TRIM3: variants seen among roughly 807,000 people sequenced by gnomAD.
TRIM3 encodes the protein tripartite motif containing 3, also known as tripartite motif-containing protein 3.
In TRIM3, 13 loss-of-function variants were observed where a neutral mutation model predicts 66.6. The ratio of observed to expected loss-of-function variants is 0.20; its 90% CI spans 0.13 to 0.31. TRIM3 has a LOEUF of 0.31. Among genes scored for constraint, TRIM3 ranks in the 10% least tolerant of loss-of-function variants. TRIM3 has a pLI of 1.00. For missense variants in TRIM3, 711 were observed against 1,020.4 expected (o/e 0.70, Z 4.13); for synonymous variants, 406 against 411.7 (o/e 0.99, Z 0.17).
rs1292742232 is a variant in TRIM3 at position 6,465,646 on chromosome 11, T to C, written c.50A>G (p.Lys17Arg). ...GCAGATGCTGCATACCAGGAACTGC[T>C]TGTCCATTGGCTGGACCTCTGGGCC... is the stretch of plus-strand genomic sequence containing the variant. Reference protein sequence around the residue: ...SPGPEVQPMDKQFLVCSICLD... With the variant: ...SPGPEVQPMDRQFLVCSICLD... The change falls in exon 2 of 12, where the codon AAG (lysine) becomes AGG (arginine). Residue 17 changes from lysine to arginine, a missense_variant. Around this residue, in one of 3 missense-constraint regions of TRIM3, gnomAD observed 149 missense variants for 240.3 expected, o/e 0.62. Coordinates refer to ENST00000345851, the MANE Select transcript of TRIM3 (RefSeq NM_033278.4). The C allele has an allele frequency of 6.2e-7, 1 of 1,614,200 alleles. No individual in the cohort carries two copies. The highest frequency in any genetic ancestry group is 8.5e-7 in the Non-Finnish European group (1 of 1,180,016).
In TRIM3 at chr11:6,456,903, G is replaced by C. The variant is rs762184285; in HGVS notation, c.823C>G (p.Arg275Gly). Residue 275 changes from arginine to glycine, a missense_variant, in exon 6 of 12, where the codon CGA (arginine) becomes GGA (glycine). Arg to Gly is a moderately radical substitution (Grantham distance 125). Around this residue, in one of 3 missense-constraint regions of TRIM3, gnomAD observed 399 missense variants for 458.1 expected, o/e 0.87. Coordinates refer to ENST00000345851, the MANE Select transcript of TRIM3 (RefSeq NM_033278.4). The surrounding 1 kb of genome is among the most constrained non-coding windows in gnomAD (Gnocchi z 6.4). The part of the protein sequence containing the change: ...PEVLLVRKHM[R>G]ERLAALAAQA... ...GCCGCCAATGCAGCCAGCCGCTCTC[G>C]CATGTGCTTGCGCACCAGCAACACC... The C allele has an allele frequency of 6.2e-7, 1 of 1,611,974 alleles. No homozygotes were observed. The highest frequency in any genetic ancestry group is 1.3e-5 in the African/African-American group (1 of 74,956).
At chr11:6,463,365 C>T (rs995240213) in intron 2 of TRIM3, among the ~76,000 whole-genome samples, 11 of 152,228 alleles carry the variant, frequency 7.2e-5, no homozygotes, top group African/African-American at 2.7e-4. Context: ...CCCTGGCAAA[C>T]AGTAAGCAAT....
rs779797530 is a variant in TRIM3, at chr11:6,449,186, G to A, written c.2083-6C>T. On this transcript the variant is annotated splice_polypyrimidine_tract_variant and splice_region_variant and intron_variant, in intron 11 of 11. Transcript: ENST00000345851. This position sits in a 1 kb window ranked among gnomAD's most constrained non-coding sequence, Gnocchi z 5.3. ...GAGCCAGAGCTGTCGAATACCTGGG[G>A]AAGGAGTGCAGAAAGGAGGGAGAGG... is the stretch of plus-strand genomic sequence containing the variant. The A allele has an allele frequency of 7.4e-6, 12 of 1,613,748 alleles. No individual in the cohort carries two copies. Among genetic ancestry groups the A allele is most frequent in the African/African-American group, 1.3e-5 (1 of 74,932 alleles).
At chr11:6,451,185 C>T in intron 8 of TRIM3, 86 bp downstream of exon 8, 2 of 1,584,308 alleles carry the variant, frequency 1.3e-6, no homozygotes, top group South Asian at 1.1e-5. Context: ...AGGATTGGAT[C>T]AGTCCAGACC....
At position 6,458,284 on chromosome 11, in the gene TRIM3, G is replaced by A. The variant is rs1185416663; in HGVS notation, c.144C>T (p.Asn48=). 2 of 1,613,082 alleles carry A rather than the reference G, an allele frequency of 1.2e-6. No individual in the cohort carries two copies. Among genetic ancestry groups the A allele is most frequent in the Non-Finnish European group, 1.7e-6 (2 of 1,179,238 alleles). The change falls in exon 3 of 12, where the codon AAC becomes AAT. Residue 48 remains asparagine, a synonymous_variant. Coordinates refer to ENST00000345851, the MANE Select transcript of TRIM3 (RefSeq NM_033278.4). This position sits in a 1 kb window ranked among gnomAD's most constrained non-coding sequence, Gnocchi z 6.2. The stretch of plus-strand genomic sequence containing the variant: ...GCGTCAGGCTCTGGGCAGGGATATA[G>A]TTTTGGAGACATCTGTCCAGGAAGG... ...LHTFCERCLQ[N]YIPAQSLTLS... is the part of the protein sequence containing the mutation.
chr11:6,474,082 C>T (rs1004564009), upstream of TRIM3: 3 of 151,216 alleles, frequency 2.0e-5, no homozygotes, highest in South Asian at 2.1e-4. Flanking sequence ...ACCCGCACGC[C>T]CCCCCGCCAA....
chr11:6,470,793 A>G (rs1280076274), intron 1 of TRIM3, among the ~76,000 whole-genome samples: 2 of 152,232 alleles, frequency 1.3e-5, no homozygotes, highest in Non-Finnish European at 2.9e-5. Context: ...CCAAGTCCCA[A>G]GGAACCTCAA....
chr11:6,468,236 A>G (rs186583525), intron 1 of TRIM3, among the ~76,000 whole-genome samples: 3 of 152,382 alleles, frequency 2.0e-5, no homozygotes, highest in Admixed American at 2.0e-4. Flanking sequence ...GGCCATGAAT[A>G]GAGACAGTGA....
intron 2 of TRIM3, among the ~76,000 whole-genome samples, chr11:6,465,181 G>A (rs1850405107): frequency 6.6e-6 from 1 of 152,042 alleles, no homozygotes; most frequent in African/African-American, 2.4e-5. Context: ...AGGACAACAA[G>A]GACAAGCAGG....
Position 6,460,875 on chromosome 11 carries a change from C to T in TRIM3, c.132-2579G>A, listed in dbSNP as rs796958082. Among the ~76,000 whole-genome samples, 403 of 103,508 alleles carry T rather than the reference C, an allele frequency of 3.9e-3. 2 individuals carry two copies. The highest frequency in any genetic ancestry group is 0.012 in the African/African-American group (354 of 30,452). 67.9% of individuals were successfully genotyped at this position (103,508 alleles called of 152,430 possible). ...GTATTAACTTATTTAATTGTGTTTTCTTTGTTTTTGTTTTTTTGGTGGCTT... is the reference window on the plus strand; with the variant it reads ...GTATTAACTTATTTAATTGTGTTTTTTTTGTTTTTGTTTTTTTGGTGGCTT... On this transcript the variant is annotated intron_variant, in intron 2 of 11. Coordinates refer to ENST00000345851, the MANE Select transcript of TRIM3 (RefSeq NM_033278.4).
chr11:6,448,789 G>T lies in TRIM3; in HGVS notation c.*239C>A. The T allele has an allele frequency of 1.6e-6, 1 of 615,012 alleles. No homozygotes were observed. Among genetic ancestry groups the T allele is most frequent in the Non-Finnish European group, 2.9e-6 (1 of 345,518 alleles). The allele number at this position is 615,012 out of a possible 1,614,324, so 38.1% of individuals were successfully genotyped here. A position where few individuals can be genotyped will look rare whatever the true frequency, so the allele number is the denominator to read the frequency against. ...GTGGGGAGGTGTGTAAGAAGGGTAGGGTGAAGCTCTGCACACATCCTTGGG... is the reference window on the plus strand; with the variant it reads ...GTGGGGAGGTGTGTAAGAAGGGTAGTGTGAAGCTCTGCACACATCCTTGGG... On this transcript the variant is annotated 3_prime_UTR_variant, in exon 12 of 12. Coordinates refer to ENST00000345851, the MANE Select transcript of TRIM3 (RefSeq NM_033278.4).
At position 6,457,852 on chromosome 11, in the gene TRIM3, G is replaced by C; in HGVS notation, c.364-5C>G. On this transcript the variant is annotated splice_polypyrimidine_tract_variant and splice_region_variant and intron_variant, in intron 3 of 11. Transcript: ENST00000345851. This position sits in a 1 kb window ranked among gnomAD's most constrained non-coding sequence, Gnocchi z 4.5. ...CTCACAGTAAAACTCCATCGTCTGC[G>C]GTACAAGGACTCCAGTCGGGTAATG... is the stretch of plus-strand genomic sequence containing the variant. 1.9e-6 allele frequency: 3 copies of C among 1,614,090 alleles called. No individual in the cohort carries two copies. The highest frequency in any genetic ancestry group is 2.5e-6 in the Non-Finnish European group (3 of 1,179,982).
rs1349776327 is a variant in TRIM3, at chr11:6,456,110, G to A, written c.1495C>T (p.Arg499Cys). 7.4e-6 allele frequency: 12 copies of A among 1,614,122 alleles called. No homozygotes were observed. Among genetic ancestry groups the A allele is most frequent in the African/African-American group, 1.3e-5 (1 of 75,010 alleles). The change falls in exon 7 of 12, where the codon CGC (arginine) becomes TGC (cysteine). Residue 499 changes from arginine (R) to cysteine (C), a missense_variant. This residue lies in a region of TRIM3 where 399 missense variants were observed against 458.1 expected (regional missense o/e 0.87). Coordinates refer to ENST00000345851, the MANE Select transcript of TRIM3 (RefSeq NM_033278.4). This position sits in a 1 kb window ranked among gnomAD's most constrained non-coding sequence, Gnocchi z 6.4. ...LQGVSAASSG[R>C]IVVADSNNQC... ...TTGTTGCTGTCTGCTACCACGATGC[G>A]GCCGCTGCTGGCTGCGGACACACCT... is the stretch of plus-strand genomic sequence containing the variant.
In TRIM3 at chr11:6,450,746, T is replaced by G; in HGVS notation, c.1871-125A>C. Reference sequence around the variant, plus strand: ...TGGGGTCTCCAGGACTGAGACAAATTATTTCTGAGATGATAGGGCTAACGT... The same window carrying G: ...TGGGGTCTCCAGGACTGAGACAAATGATTTCTGAGATGATAGGGCTAACGT... On this transcript the variant is annotated intron_variant, in intron 9 of 11. Transcript: ENST00000345851. The surrounding 1 kb of genome is among the most constrained non-coding windows in gnomAD (Gnocchi z 4.8). The G allele has an allele frequency of 3.5e-6, 5 of 1,430,658 alleles. No individual in the cohort carries two copies. The highest frequency in any genetic ancestry group is 4.9e-6 in the Non-Finnish European group (5 of 1,026,296). 88.6% of individuals were successfully genotyped at this position (1,430,658 alleles called of 1,614,324 possible).
intron 1 of TRIM3, among the ~76,000 whole-genome samples, chr11:6,467,810 G>A (rs1423359589): frequency 1.1e-4 from 17 of 152,292 alleles, no homozygotes; most frequent in Middle Eastern, 3.4e-3. Context: ...AGGGGGGGAT[G>A]ATGTGGTTTA....
intron 7 of TRIM3, 48 bp from the exon 8 acceptor site, chr11:6,451,486 G>T: frequency 6.3e-7 from 1 of 1,599,540 alleles, no homozygotes; most frequent in Non-Finnish European, 8.5e-7. Context: ...GGGAGACACT[G>T]TGGGCACAGA....
intron 1 of TRIM3, among the ~76,000 whole-genome samples, chr11:6,469,624 C>T (rs1850605932): frequency 6.6e-6 from 1 of 152,210 alleles, no homozygotes; most frequent in Non-Finnish European, 1.5e-5. Context: ...CAAGGCACCT[C>T]ACTCCCTCAT....
intron 2 of TRIM3, among the ~76,000 whole-genome samples, chr11:6,459,384 C>T (rs560993523): frequency 7.2e-5 from 11 of 152,176 alleles, no homozygotes; most frequent in East Asian, 1.9e-4. Context: ...CTCTTCACCC[C>T]CTCTGTGTGG....
Position 6,473,918 on chromosome 11 carries a change from GC to G in TRIM3, c.-166del, listed in dbSNP as rs1173341440. On this transcript the variant is annotated 5_prime_UTR_variant, in exon 1 of 12. Coordinates refer to ENST00000345851, the MANE Select transcript of TRIM3 (RefSeq NM_033278.4). Reference sequence around the variant, plus strand: ...CGCCTCCGCCTGTCCCCGCGCCGGCGCCGCCGCCGGACTAGCCGCACAGGCC... The same window carrying G: ...CGCCTCCGCCTGTCCCCGCGCCGGCGCGCCGCCGGACTAGCCGCACAGGCC... The G allele has an allele frequency of 6.6e-6, 1 of 151,918 alleles. No individual in the cohort carries two copies. The highest frequency in any genetic ancestry group is 1.9e-4 in the East Asian group (1 of 5,158). 9.4% of individuals were successfully genotyped at this position (151,918 alleles called of 1,614,324 possible). A position where few individuals can be genotyped will look rare whatever the true frequency, so the allele number is the denominator to read the frequency against.
Sources: gnomAD v4.1 joint callset for allele counts (sites outside exome capture counted in the v4.1 genomes callset) on GRCh38, gnomAD v4.1.1 for gene constraint, gnomAD v4.1.1 regional missense constraint, Gnocchi (gnomAD v3.1) non-coding constraint, MANE v1.5 for transcripts, NCBI Gene and HGNC (gene_info 2026-07-23, HGNC 2026-07-21) for gene names.